TTC22: variants seen among roughly 807,000 people sequenced by gnomAD.
TTC22 encodes tetratricopeptide repeat domain 22, also known as tetratricopeptide repeat protein 22.
TTC22 carries 42 observed loss-of-function variants against 48.2 expected under a neutral mutation model. That is an observed-to-expected ratio of 0.87 (90% confidence interval 0.68 to 1.13). The LOEUF (loss-of-function observed/expected upper bound fraction) is 1.13, where lower values mean the gene tolerates loss of function less well. TTC22 is among the 50% of genes most tolerant of loss of function. The pLI is 0.00. For missense variants in TTC22, 784 were observed against 807.0 expected, an observed-to-expected ratio of 0.97 and a Z score of 0.34; for synonymous variants, 345 against 365.5, an observed-to-expected ratio of 0.94 and a Z score of 0.64.
rs72895743 is a variant in TTC22, at chr1:54,800,605, C to T, written c.559G>A (p.Gly187Arg). The T allele has an allele frequency of 5.6e-4, 852 of 1,527,228 alleles. 3 individuals are homozygous for T. The African/African-American group carries it at 0.011, about 19-fold the overall frequency. 94.6% of individuals were successfully genotyped at this position (1,527,228 alleles called of 1,614,324 possible). ...AGACAGGGGTCACCTACCTGCTGCC[C>T]GTAGCCTAGCGCCTTGTCGTAGAGC... ...IALYDKALGY[G>R]QQIPMEEKRG... Residue 187 changes from glycine (G) to arginine (R), a missense_variant, in exon 1 of 7, where the codon GGG (glycine) becomes AGG (arginine). Coordinates refer to ENST00000371276, the MANE Select transcript of TTC22 (RefSeq NM_001114108.2).
intron 1 of TTC22, among the ~76,000 whole-genome samples, chr1:54,795,743 T>C (rs1570118524): frequency 6.6e-6 from 1 of 152,228 alleles, no homozygotes; most frequent in East Asian, 1.9e-4. Flanking sequence ...CAGCTTTCTC[T>C]CTGGGCTTCT....
Position 54,781,243 on chromosome 1 carries a change from C to G in TTC22, c.1710G>C (p.Ter570TyrextTer32). 1 of 1,461,446 alleles carries G rather than the reference C, an allele frequency of 6.8e-7. No homozygotes were observed. The highest frequency in any genetic ancestry group is 9.0e-7 in the Non-Finnish European group (1 of 1,115,492). The allele number at this position is 1,461,446 out of a possible 1,614,324, so 90.5% of individuals were successfully genotyped here. Residue 570 changes from the stop codon to tyrosine (Y), a stop_lost, in exon 7 of 7, where the codon TAG becomes TAC. Coordinates refer to ENST00000371276, the MANE Select transcript of TTC22 (RefSeq NM_001114108.2). ...AGCCTCCGGCCTGGGCACCTGAGCCCTAGAATGAGACAGCCCGGCGGTCCC... is the reference window on the plus strand; with the variant it reads ...AGCCTCCGGCCTGGGCACCTGAGCCGTAGAATGAGACAGCCCGGCGGTCCC... ...APRDRRAVSF[*>Y]
In TTC22 at chr1:54,781,668, C is replaced by A; in HGVS notation, c.1285G>T (p.Ala429Ser). Reference protein sequence around the residue: ...LAKAGESELGATLPELQLLRG... With the variant: ...LAKAGESELGSTLPELQLLRG... ...AGCAGCTGCAGCTCGGGCAGCGTGG[C>A]ACCCAGCTCCGACTCGCCCGCCTTG... The change falls in exon 7 of 7, where the codon GCC becomes TCC. Residue 429 changes from alanine (A) to serine (S), a missense_variant. By Grantham distance (99) the Ala-to-Ser change is moderately conservative. Transcript: ENST00000371276. 1 of 1,530,894 alleles carries A rather than the reference C, an allele frequency of 6.5e-7. No homozygotes were observed. The highest frequency in any genetic ancestry group is 8.7e-7 in the Non-Finnish European group (1 of 1,144,416). The allele number at this position is 1,530,894 out of a possible 1,614,324, so 94.8% of individuals were successfully genotyped here.
At chr1:54,794,468 T>C (rs367736931) in intron 1 of TTC22, among the ~76,000 whole-genome samples, 2 of 152,238 alleles carry the variant, frequency 1.3e-5, no homozygotes, top group East Asian at 1.9e-4. Flanking sequence ...ACTTACAATA[T>C]ATATGCATTT....
chr1:54,781,312 G>A lies in TTC22; in HGVS notation c.1641C>T (p.Leu547=), dbSNP rs1185124381. ...CGCCCTCGCGCTCCATGGTCTCGAAGAGCAGCCGCACCAGCGCCGGCCGTC... is the reference window on the plus strand; with the variant it reads ...CGCCCTCGCGCTCCATGGTCTCGAAAAGCAGCCGCACCAGCGCCGGCCGTC... ...AQGRPALVRL[L]FETMEREGEG... is the part of the protein sequence containing the mutation. Residue 547 remains leucine (L), a synonymous_variant, in exon 7 of 7, where the codon CTC becomes CTT. Coordinates refer to ENST00000371276, the MANE Select transcript of TTC22 (RefSeq NM_001114108.2). 9.6e-6 allele frequency: 14 copies of A among 1,462,136 alleles called. No homozygotes were observed. Among genetic ancestry groups the A allele is most frequent in the Non-Finnish European group, 1.2e-5 (13 of 1,116,372 alleles). The allele number at this position is 1,462,136 out of a possible 1,614,324, so 90.6% of individuals were successfully genotyped here.
chr1:54,787,003 TG>T lies in TTC22; in HGVS notation c.811del (p.His271MetfsTer11). Reference protein sequence around the residue: ...DTFSTTPMGVHDCGYSGTDPL... With the variant: ...DTFSTTPMGVXDCGYSGTDPL... ...GTCGGTCCCTGAGTACCCGCAGTCA[TG>T]GACGCCCATGGGGGTGGTGGAGAAG... is the stretch of plus-strand genomic sequence containing the variant. On this transcript the variant is annotated frameshift_variant, in exon 4 of 7. Transcript: ENST00000371276. LOFTEE classifies it high-confidence loss of function. The T allele has an allele frequency of 6.4e-7, 1 of 1,564,488 alleles. No individual in the cohort carries two copies. The highest frequency in any genetic ancestry group is 1.7e-4 in the Middle Eastern group (1 of 5,814).
intron 5 of TTC22, 142 bp downstream of exon 5, chr1:54,785,841 A>G: frequency 2.7e-6 from 2 of 745,968 alleles, no homozygotes; most frequent in Non-Finnish European, 2.1e-6. Context: ...ATAGAACCCA[A>G]CTGTGTTTTT....
chr1:54,795,930 C>A (rs1375182546), intron 1 of TTC22, among the ~76,000 whole-genome samples: 1 of 152,254 alleles, frequency 6.6e-6, no homozygotes, highest in Non-Finnish European at 1.5e-5. Flanking sequence ...GTCCCATAGA[C>A]CTGAGTTCAG....
At position 54,785,976 on chromosome 1, in the gene TTC22, G is replaced by C; in HGVS notation, c.1020+7C>G. On this transcript the variant is annotated splice_region_variant and intron_variant, in intron 5 of 6. Coordinates refer to ENST00000371276, the MANE Select transcript of TTC22 (RefSeq NM_001114108.2). Reference sequence around the variant, plus strand: ...GCAGGGTATGGTGGGGCAGGAAGTTGACCCACCTTGGCCCTTGTGCAGTAC... The same window carrying C: ...GCAGGGTATGGTGGGGCAGGAAGTTCACCCACCTTGGCCCTTGTGCAGTAC... The C allele has an allele frequency of 6.2e-7, 1 of 1,610,168 alleles. No homozygotes were observed. Among genetic ancestry groups the C allele is most frequent in the Non-Finnish European group, 8.5e-7 (1 of 1,178,148 alleles).
rs1345990892 is a variant in TTC22 at position 54,782,210 on chromosome 1, T to C, written c.1173+115A>G. The C allele has an allele frequency of 3.8e-6, 4 of 1,055,800 alleles. No homozygotes were observed. In the Admixed American group the frequency reaches 1.2e-4, roughly 31 times the overall value. 65.4% of individuals were successfully genotyped at this position (1,055,800 alleles called of 1,614,324 possible). ...CACCACGGCTGGAGGAGATGGGTAC[T>C]GTTATCAGGGAGTGAAACTTTTTCC... is the stretch of plus-strand genomic sequence containing the variant. On this transcript the variant is annotated intron_variant, in intron 6 of 6. Coordinates refer to ENST00000371276, the MANE Select transcript of TTC22 (RefSeq NM_001114108.2).
intron 1 of TTC22, among the ~76,000 whole-genome samples, chr1:54,789,511 G>A (rs908049927): frequency 3.9e-5 from 6 of 152,214 alleles, no homozygotes; most frequent in Non-Finnish European, 8.8e-5. Flanking sequence ...AGGGGTCCTT[G>A]TGAGTCAGAT....
Position 54,801,122 on chromosome 1 carries a change from G to T in TTC22, c.42C>A (p.Leu14=), listed in dbSNP as rs374173389. Reference sequence around the variant, plus strand: ...CCGGGAGGTAGTCCAGGTCGTCGATGAGGGCGTCTAGATCGTCGGCCACAG... The same window carrying T: ...CCGGGAGGTAGTCCAGGTCGTCGATTAGGGCGTCTAGATCGTCGGCCACAG... ...LEAVADDLDA[L]IDDLDYLPGH... Residue 14 remains leucine (L), a synonymous_variant, in exon 1 of 7, where the codon CTC becomes CTA. Transcript: ENST00000371276. The T allele has an allele frequency of 6.2e-6, 10 of 1,611,430 alleles. No homozygotes were observed. In the African/African-American group the frequency reaches 8.0e-5, roughly 13 times the overall value.
At chr1:54,793,443 A>G (rs1284807920) in intron 1 of TTC22, among the ~76,000 whole-genome samples, 1 of 152,204 alleles carries the variant, frequency 6.6e-6, no homozygotes, top group Non-Finnish European at 1.5e-5. Context: ...ACTTCAGGCC[A>G]GGTCTCTCTG....
At position 54,782,481 on chromosome 1, in the gene TTC22, C is replaced by A; in HGVS notation, c.1021-4G>T. Reference sequence around the variant, plus strand: ...GCAGGTAGGCTCTGATGTGGATCTGCCAACAGAGAGCCAGCTTAGGAAAGA... The same window carrying A: ...GCAGGTAGGCTCTGATGTGGATCTGACAACAGAGAGCCAGCTTAGGAAAGA... On this transcript the variant is annotated splice_region_variant and splice_polypyrimidine_tract_variant and intron_variant, in intron 5 of 6. Coordinates refer to ENST00000371276, the MANE Select transcript of TTC22 (RefSeq NM_001114108.2). 6.5e-7 allele frequency: 1 copy of A among 1,539,938 alleles called. No individual in the cohort carries two copies.
At chr1:54,782,257 T>C in intron 6 of TTC22, 68 bp downstream of exon 6, 2 of 1,429,400 alleles carry the variant, frequency 1.4e-6, no homozygotes, top group Non-Finnish European at 1.9e-6. Flanking sequence ...GCCTAGCCCT[T>C]GGTCTAGCCT....
In TTC22 at chr1:54,791,502, T is replaced by C. The variant is rs3766417; in HGVS notation, c.568-3405A>G. On this transcript the variant is annotated intron_variant, in intron 1 of 6. Coordinates refer to ENST00000371276, the MANE Select transcript of TTC22 (RefSeq NM_001114108.2). Reference sequence around the variant, plus strand: ...GGCCCAGAATAGATGTCTGTTCCCTTTTTCCTGGTCTGGGTAGAGCTGAGT... The same window carrying C: ...GGCCCAGAATAGATGTCTGTTCCCTCTTTCCTGGTCTGGGTAGAGCTGAGT... Among the ~76,000 whole-genome samples the C allele has an allele frequency of 2.8e-4, 43 of 152,244 alleles. 2 individuals are homozygous for C. In the East Asian group the frequency reaches 8.3e-3, roughly 29 times the overall value.
chr1:54,788,371 G>A (rs1281123034), intron 1 of TTC22, among the ~76,000 whole-genome samples: 1 of 122,366 alleles, frequency 8.2e-6, no homozygotes, highest in East Asian at 2.5e-4. Flanking sequence ...TCCCCACCCC[G>A]CCACAGGCCC....
intron 1 of TTC22, among the ~76,000 whole-genome samples, chr1:54,799,779 C>T (rs1221610396): frequency 2.0e-5 from 3 of 152,198 alleles, no homozygotes; most frequent in Non-Finnish European, 4.4e-5. Flanking sequence ...TCATCTGTGA[C>T]CCTGCTCATC....
rs539290692 is a variant in TTC22 at position 54,791,041 on chromosome 1, G to A, written c.568-2944C>T. Among the ~76,000 whole-genome samples the A allele has an allele frequency of 3.3e-5, 5 of 152,276 alleles. No individual in the cohort carries two copies. The East Asian group carries it at 7.7e-4, about 23-fold the overall frequency. Reference sequence around the variant, plus strand: ...CACCCGACTAGTTTTTGTATTTTTAGTAGAGATGGGGTTTCGCTATGTTGG... The same window carrying A: ...CACCCGACTAGTTTTTGTATTTTTAATAGAGATGGGGTTTCGCTATGTTGG... On this transcript the variant is annotated intron_variant, in intron 1 of 6. Transcript: ENST00000371276.
Sources: allele counts gnomAD v4.1 joint callset (sites outside exome capture counted in the v4.1 genomes callset), GRCh38; gene constraint gnomAD v4.1.1; transcripts MANE v1.5; gene names NCBI Gene and HGNC (gene_info 2026-07-23, HGNC 2026-07-21).